Variants in ERC2 observed in about 807,000 individuals in gnomAD.
ERC2 encodes the protein ELKS/RAB6-interacting/CAST family member 2, also known as ERC protein 2.
Under a neutral mutation model 114.8 loss-of-function variants are expected in ERC2, and 42 were observed. The observed-to-expected ratio is 0.37, with a 90% CI of 0.29 to 0.47. The LOEUF (loss-of-function observed/expected upper bound fraction) is 0.47. ERC2 is among the 20% of genes least tolerant of loss of function. ERC2 has a pLI of 0.99. For synonymous variants in ERC2, 454 were observed against 425.5 expected (o/e 1.07, Z -0.82); for missense variants, 939 against 1,150.7 (o/e 0.82, Z 2.66).
intron 7 of ERC2, among the ~76,000 whole-genome samples, chr3:56,024,186 T>A (rs1448326743): frequency 3.3e-5 from 5 of 152,192 alleles, no homozygotes; most frequent in Admixed American, 6.5e-5. Flanking sequence ...CTCACAAAAC[T>A]GCCAGAAAGG....
chr3:55,920,160 A>G (rs1047600410), intron 13 of ERC2, among the ~76,000 whole-genome samples: 1 of 152,122 alleles, frequency 6.6e-6, no homozygotes, highest in African/African-American at 2.4e-5. Context: ...TGGAATCAGG[A>G]TGGAGTAAAA....
chr3:55,583,888 G>GC (rs11397696), intron 17 of ERC2, among the ~76,000 whole-genome samples: 142,756 of 151,848 alleles, frequency 0.94, 67,423 homozygotes, highest in Non-Finnish European at 0.99. Flanking sequence ...CAACTTGCTA[G>GC]CCCCCCTCCC....
intron 3 of ERC2, among the ~76,000 whole-genome samples, chr3:56,285,011 T>TCTCTCACA (rs2054588289): frequency 1.0e-5 from 1 of 95,684 alleles, no homozygotes; most frequent in African/African-American, 3.5e-5. Context: ...TCTCTCTCTC[T>TCTCTCACA]CACACACACA....
intron 1 of ERC2, among the ~76,000 whole-genome samples, chr3:56,468,009 G>A (rs1199615306): frequency 6.6e-6 from 1 of 152,106 alleles, no homozygotes; most frequent in African/African-American, 2.4e-5. Flanking sequence ...GGAGGAAACC[G>A]TGCACTTGTT....
intron 17 of ERC2, among the ~76,000 whole-genome samples, chr3:55,575,287 G>A (rs1290047898): frequency 1.3e-5 from 2 of 152,068 alleles, no homozygotes; most frequent in East Asian, 3.9e-4. Context: ...CAAAGTGCTG[G>A]GATTACAGTT....
chr3:56,159,966 A>T (rs1013069896), intron 4 of ERC2, among the ~76,000 whole-genome samples: 6 of 152,150 alleles, frequency 3.9e-5, no homozygotes, highest in Admixed American at 3.3e-4. Flanking sequence ...GTTGCGATGA[A>T]CATTTAAGTG....
intron 7 of ERC2, among the ~76,000 whole-genome samples, chr3:56,047,821 C>T (rs961077730): frequency 1.3e-5 from 2 of 152,162 alleles, no homozygotes; most frequent in Non-Finnish European, 2.9e-5. Context: ...AGAGGGGCCA[C>T]TTGCACCCTC....
At chr3:56,220,106 G>A (rs941664025) in intron 3 of ERC2, among the ~76,000 whole-genome samples, 4 of 152,194 alleles carry the variant, frequency 2.6e-5, no homozygotes, top group African/African-American at 9.7e-5. Context: ...TCCAGTCACA[G>A]TGTCAGTAAT....
In ERC2 at chr3:55,934,980, TC is replaced by T. The variant is rs2066346806; in HGVS notation, c.2403+15444del. ...ACTGTTCCCATCTCTGTGCACATAA[TC>T]CCCATTCTAAGCAGTGACCTTGGAG... On this transcript the variant is annotated intron_variant, in intron 13 of 17. Coordinates refer to ENST00000288221, the MANE Select transcript of ERC2 (RefSeq NM_015576.3). 3.3e-5 allele frequency among the ~76,000 whole-genome samples: 5 copies of T among 152,228 alleles called. No individual in the cohort carries two copies. In the South Asian group the frequency reaches 1.0e-3, roughly 32 times the overall value.
chr3:55,669,799 G>T (rs2061489366), intron 17 of ERC2, among the ~76,000 whole-genome samples: 1 of 152,230 alleles, frequency 6.6e-6, no homozygotes, highest in South Asian at 2.1e-4. Flanking sequence ...AGGGAGAATG[G>T]TTCCATTTGT....
intron 14 of ERC2, among the ~76,000 whole-genome samples, chr3:55,754,321 G>A (rs1387324433): frequency 1.3e-5 from 2 of 151,882 alleles, no homozygotes; most frequent in Non-Finnish European, 2.9e-5. Flanking sequence ...TTAAGCAGAT[G>A]TAAATTGGAG....
At chr3:56,199,195 G>T (rs1456040952) in intron 3 of ERC2, among the ~76,000 whole-genome samples, 1 of 152,110 alleles carries the variant, frequency 6.6e-6, no homozygotes, top group East Asian at 1.9e-4. Flanking sequence ...AGGGTGTTGA[G>T]GCCAAGAATG....
Position 55,855,361 on chromosome 3 carries a change from C to T in ERC2, c.2564+33028G>A, listed in dbSNP as rs563320366. 2.6e-5 allele frequency among the ~76,000 whole-genome samples: 4 copies of T among 152,330 alleles called. No individual in the cohort carries two copies. In the South Asian group the frequency reaches 8.3e-4, roughly 32 times the overall value. ...AAACATGGAGAAAATCACATTCAGTCAAGTGTAATTTGATTTACAACGCTG... is the reference window on the plus strand; with the variant it reads ...AAACATGGAGAAAATCACATTCAGTTAAGTGTAATTTGATTTACAACGCTG... On this transcript the variant is annotated intron_variant, in intron 14 of 17. Coordinates refer to ENST00000288221, the MANE Select transcript of ERC2 (RefSeq NM_015576.3).
chr3:56,410,972 A>T lies in ERC2; in HGVS notation c.657+23379T>A, dbSNP rs151024080. Among the ~76,000 whole-genome samples, 396 of 151,806 alleles carry T rather than the reference A, an allele frequency of 2.6e-3. 1 individual carries two copies. The highest frequency in any genetic ancestry group is 9.2e-3 in the African/African-American group (382 of 41,346). ...TGAATCAACTAGCTGATCTATTAGT[A>T]ACACAAGACTTAGACCAATAATCAT... On this transcript the variant is annotated intron_variant, in intron 2 of 17. Coordinates refer to ENST00000288221, the MANE Select transcript of ERC2 (RefSeq NM_015576.3).
rs114675651 is a variant in ERC2, at chr3:56,416,930, G to C, written c.657+17421C>G. Among the ~76,000 whole-genome samples, 40 of 152,290 alleles carry C rather than the reference G, an allele frequency of 2.6e-4. 1 individual carries two copies. In the East Asian group the frequency reaches 6.0e-3, roughly 23 times the overall value. Reference sequence around the variant, plus strand: ...CCAGTGACCTTGCCAGTAGAAAGTAGGTAGACATATCTAAAGGCCGGTGCA... The same window carrying C: ...CCAGTGACCTTGCCAGTAGAAAGTACGTAGACATATCTAAAGGCCGGTGCA... On this transcript the variant is annotated intron_variant, in intron 2 of 17. Coordinates refer to ENST00000288221, the MANE Select transcript of ERC2 (RefSeq NM_015576.3).
intron 13 of ERC2, among the ~76,000 whole-genome samples, chr3:55,945,090 T>C (rs1367290674): frequency 3.9e-5 from 6 of 152,178 alleles, no homozygotes; most frequent in Non-Finnish European, 8.8e-5. Context: ...TAAAAACAAA[T>C]CATGATGTTA....
Position 56,119,315 on chromosome 3 carries a change from GAGA to G in ERC2, c.1473+20191_1473+20193del, listed in dbSNP as rs551889067. Among the ~76,000 whole-genome samples the G allele has an allele frequency of 3.3e-4, 50 of 152,322 alleles. No homozygotes were observed. The South Asian group carries it at 1.0e-2, about 30-fold the overall frequency. Reference sequence around the variant, plus strand: ...CAACAGCACTTTTGCATTTCTCTATGAGAATATTTGTTAAAATGGGATCATGTG... The same window carrying G: ...CAACAGCACTTTTGCATTTCTCTATGATATTTGTTAAAATGGGATCATGTG... On this transcript the variant is annotated intron_variant, in intron 6 of 17. Coordinates refer to ENST00000288221, the MANE Select transcript of ERC2 (RefSeq NM_015576.3).
At chr3:55,576,862 A>C (rs1370915067) in intron 17 of ERC2, among the ~76,000 whole-genome samples, 1 of 152,194 alleles carries the variant, frequency 6.6e-6, no homozygotes, top group Admixed American at 6.5e-5. Context: ...TTGGGGGAGG[A>C]TCTTAGGCTG....
At chr3:56,160,770 C>T (rs1401771957) in intron 4 of ERC2, among the ~76,000 whole-genome samples, 1 of 152,136 alleles carries the variant, frequency 6.6e-6, no homozygotes, top group African/African-American at 2.4e-5. Context: ...GTCAATTTTT[C>T]AAAGATCAGA....
Sources: allele counts gnomAD v4.1 joint callset (sites outside exome capture counted in the v4.1 genomes callset), GRCh38; gene constraint gnomAD v4.1.1; transcripts MANE v1.5; gene names NCBI Gene and HGNC (gene_info 2026-07-23, HGNC 2026-07-21).